MAN2C1: variants seen among roughly 807,000 people sequenced by gnomAD.
The protein encoded by MAN2C1 is alpha-mannosidase 2C1.
In MAN2C1, 111 loss-of-function variants were observed where a neutral mutation model predicts 126.9. The observed-to-expected ratio is 0.87, with a 90% CI of 0.75 to 1.02. MAN2C1 has a LOEUF of 1.02. Among genes scored for constraint, MAN2C1 ranks in the 50% least tolerant of loss-of-function variants. MAN2C1 has a pLI of 0.00. For synonymous variants in MAN2C1, 567 were observed against 561.5 expected (o/e 1.01, Z -0.14); for missense variants, 1,363 against 1,364.4 (o/e 1.00, Z 0.02).
chr15:75,356,502 T>C lies in MAN2C1; in HGVS notation c.2738-53A>G. The C allele has an allele frequency of 6.4e-7, 1 of 1,565,332 alleles. No homozygotes were observed. The highest frequency in any genetic ancestry group is 1.2e-5 in the South Asian group (1 of 85,194). ...GTGGAGAATGGGGGCTACCCTCCCC[T>C]GTCCCTAGAAGGGGCAGGAAGCCAG... is the stretch of plus-strand genomic sequence containing the variant. On this transcript the variant is annotated intron_variant, in intron 23 of 25. Coordinates refer to ENST00000267978, the MANE Select transcript of MAN2C1 (RefSeq NM_006715.4). This position sits in a 1 kb window ranked among gnomAD's most constrained non-coding sequence, Gnocchi z 5.8.
intron 16 of MAN2C1, 55 bp from the exon 17 acceptor site, chr15:75,359,480 C>T (rs767582618): frequency 1.8e-5 from 28 of 1,576,670 alleles, no homozygotes; most frequent in African/African-American, 1.1e-4. Context: ...AGGAAGCTTG[C>T]GCAGGTGGGG....
chr15:75,358,532 C>A lies in MAN2C1; in HGVS notation c.2333G>T (p.Ser778Ile). ...CTCCTGGCTAAGCCGACTGTTGGGGCTGATCTGTAGCAAGAACCAGGCGCT... is the reference window on the plus strand; with the variant it reads ...CTCCTGGCTAAGCCGACTGTTGGGGATGATCTGTAGCAAGAACCAGGCGCT... ...RGSAWFLLQI[S>I]PNSRLSQEVV... The change falls in exon 20 of 26, where the codon AGC becomes ATC. Residue 778 changes from serine to isoleucine, a missense_variant. By Grantham distance (142) the Ser-to-Ile change is moderately radical (BLOSUM62 -2). Transcript: ENST00000267978. 1 of 1,613,484 alleles carries A rather than the reference C, an allele frequency of 6.2e-7. No individual in the cohort carries two copies. Among genetic ancestry groups the A allele is most frequent in the Non-Finnish European group, 8.5e-7 (1 of 1,180,026 alleles).
chr15:75,359,542 C>G, intron 16 of MAN2C1, 78 bp downstream of exon 16: 1 of 1,578,326 alleles, frequency 6.3e-7, no homozygotes, highest in Non-Finnish European at 8.6e-7. Context: ...CACCCAGATC[C>G]CTCGGGGTAT....
chr15:75,364,326 C>T (rs1346421680), intron 5 of MAN2C1, 138 bp from the exon 6 acceptor site: 1 of 1,238,812 alleles, frequency 8.1e-7, no homozygotes, highest in Non-Finnish European at 1.1e-6. Context: ...TCAGCACCGT[C>T]TCCCTCCTCC....
intron 4 of MAN2C1, among the ~76,000 whole-genome samples, chr15:75,366,310 C>G (rs1386638314): frequency 1.3e-5 from 2 of 152,242 alleles, no homozygotes; most frequent in Non-Finnish European, 2.9e-5. Context: ...GATCCTCCCA[C>G]TCAGCCTCCC....
intron 3 of MAN2C1, 114 bp downstream of exon 3, chr15:75,367,397 A>G: frequency 7.3e-7 from 1 of 1,378,578 alleles, no homozygotes; most frequent in South Asian, 1.4e-5. Flanking sequence ...TCCTGATACC[A>G]CCCTGTGGGC....
At position 75,361,991 on chromosome 15, in the gene MAN2C1, C is replaced by G. The variant is rs776028766; in HGVS notation, c.1009-44G>C. ...GGAGGCAGCCCAGGTCAGCGCTGGA[C>G]GGGGAGCAGGCAGGCGCTCAGGCCA... On this transcript the variant is annotated intron_variant, in intron 8 of 25. Coordinates refer to ENST00000267978, the MANE Select transcript of MAN2C1 (RefSeq NM_006715.4). This position sits in a 1 kb window ranked among gnomAD's most constrained non-coding sequence, Gnocchi z 5.0. 5 of 1,488,432 alleles carry G rather than the reference C, an allele frequency of 3.4e-6. No homozygotes were observed. The Admixed American group carries it at 8.4e-5, about 25-fold the overall frequency. The allele number at this position is 1,488,432 out of a possible 1,614,324, so 92.2% of individuals were successfully genotyped here.
chr15:75,359,867 G>A (rs1269781638), intron 15 of MAN2C1, 36 bp downstream of exon 15: 1 of 1,611,480 alleles, frequency 6.2e-7, no homozygotes, highest in South Asian at 1.1e-5. Flanking sequence ...CAGCCCTGGG[G>A]TTGGAGAGAG....
At chr15:75,367,935 T>C (rs148971061) in intron 2 of MAN2C1, 138 bp downstream of exon 2, 157 of 1,173,602 alleles carry the variant, frequency 1.3e-4, no homozygotes, top group Admixed American at 1.7e-4. Context: ...CAGCAGAGGG[T>C]GCTGCTCCCA....
rs571556888 is a variant in MAN2C1 at position 75,362,762 on chromosome 15, G to A, written c.791-14C>T. On this transcript the variant is annotated splice_polypyrimidine_tract_variant and intron_variant, in intron 6 of 25. Transcript: ENST00000267978. This position sits in a 1 kb window ranked among gnomAD's most constrained non-coding sequence, Gnocchi z 4.5. Reference sequence around the variant, plus strand: ...GCCAAAGCCAGGCTATACGGGGAGTGAGGTGGAGGACAGAGGGAGCAGCAA... The same window carrying A: ...GCCAAAGCCAGGCTATACGGGGAGTAAGGTGGAGGACAGAGGGAGCAGCAA... 1.2e-6 allele frequency: 2 copies of A among 1,610,384 alleles called. No homozygotes were observed. The highest frequency in any genetic ancestry group is 1.1e-5 in the South Asian group (1 of 90,972).
Position 75,359,191 on chromosome 15 carries a change from G to T in MAN2C1, c.2047-38C>A, listed in dbSNP as rs1223790797. The T allele has an allele frequency of 6.2e-6, 10 of 1,612,028 alleles. No homozygotes were observed. In the South Asian group the frequency reaches 8.8e-5, roughly 14 times the overall value. ...AGGCCTTGAGGCTGAGTCTGTAGGG[G>T]CTTCCCACACCAAAAGTCTTCCCAC... On this transcript the variant is annotated intron_variant, in intron 17 of 25. Coordinates refer to ENST00000267978, the MANE Select transcript of MAN2C1 (RefSeq NM_006715.4).
In MAN2C1 at chr15:75,356,703, C is replaced by T. The variant is rs368112790; in HGVS notation, c.2658-18G>A. On this transcript the variant is annotated intron_variant, in intron 22 of 25. Coordinates refer to ENST00000267978, the MANE Select transcript of MAN2C1 (RefSeq NM_006715.4). The surrounding 1 kb of genome is among the most constrained non-coding windows in gnomAD (Gnocchi z 5.8). ...CCCGCAAGCTGGGGTGAGGAGGGCG[C>T]GTAGGGGCCACGCTGAAGCTGTTGG... 7.8e-4 allele frequency: 1,248 copies of T among 1,607,942 alleles called. 4 individuals carry two copies. Among genetic ancestry groups the T allele is most frequent in the South Asian group, 9.6e-4 (87 of 90,406 alleles).
Position 75,356,746 on chromosome 15 carries a change from C to A in MAN2C1, c.2657+47G>T. ...GCTGTTGGAGTTGTGGTCGGGAAGA[C>A]CCATTTCTCCATGCCAGCTCCCAGG... On this transcript the variant is annotated intron_variant, in intron 22 of 25. Coordinates refer to ENST00000267978, the MANE Select transcript of MAN2C1 (RefSeq NM_006715.4). This position sits in a 1 kb window ranked among gnomAD's most constrained non-coding sequence, Gnocchi z 5.8. 6.2e-7 allele frequency: 1 copy of A among 1,612,680 alleles called. No individual in the cohort carries two copies. Among genetic ancestry groups the A allele is most frequent in the Non-Finnish European group, 8.5e-7 (1 of 1,179,014 alleles).
rs2072377765 is a variant in MAN2C1 at position 75,358,201 on chromosome 15, C to G, written c.2547G>C (p.Glu849Asp). 2 of 1,613,994 alleles carry G rather than the reference C, an allele frequency of 1.2e-6. No homozygotes were observed. Among genetic ancestry groups the G allele is most frequent in the Non-Finnish European group, 1.7e-6 (2 of 1,180,022 alleles). The stretch of plus-strand genomic sequence containing the variant: ...CCACTCCCACCCTGCCATGTCAGAC[C>G]TCAAATCGAGCCCAGTCCCAAGAGG... Reference protein sequence around the residue: ...YNTSWDWARFEVWAHRWMDLS... With the variant: ...YNTSWDWARFDVWAHRWMDLS... Residue 849 changes from glutamate to aspartate, a missense_variant and splice_region_variant, in exon 21 of 26, where the codon GAG (glutamate) becomes GAC (aspartate). Transcript: ENST00000267978.
Position 75,362,792 on chromosome 15 carries a change from G to A in MAN2C1, c.791-44C>T. 6.4e-7 allele frequency: 1 copy of A among 1,551,346 alleles called. No individual in the cohort carries two copies. Among genetic ancestry groups the A allele is most frequent in the South Asian group, 1.1e-5 (1 of 89,292 alleles). The stretch of plus-strand genomic sequence containing the variant: ...GGAGGACAGAGGGAGCAGCAAGGCT[G>A]ACCAGGCCTGGGCTGGGACTCCAGA... On this transcript the variant is annotated intron_variant, in intron 6 of 25. Transcript: ENST00000267978. This position sits in a 1 kb window ranked among gnomAD's most constrained non-coding sequence, Gnocchi z 4.5.
At chr15:75,359,178 TGA>T in intron 17 of MAN2C1, 25 bp from the exon 18 acceptor site, 1 of 1,613,410 alleles carries the variant, frequency 6.2e-7, no homozygotes, top group South Asian at 1.1e-5. Flanking sequence ...GCCTTGAGGC[TGA>T]GTCTGTAGGG....
At chr15:75,364,406 G>A (rs750603231) in intron 5 of MAN2C1, 82 bp downstream of exon 5, 9 of 1,418,494 alleles carry the variant, frequency 6.3e-6, no homozygotes, top group Non-Finnish European at 8.4e-6. Flanking sequence ...GATTCCCAGA[G>A]TCCCATTTAT....
rs937531721 is a variant in MAN2C1, at chr15:75,356,277, T to C, written c.2886+24A>G. 1.6e-5 allele frequency: 26 copies of C among 1,611,504 alleles called. No homozygotes were observed. The highest frequency in any genetic ancestry group is 2.1e-5 in the Non-Finnish European group (25 of 1,179,136). On this transcript the variant is annotated intron_variant, in intron 24 of 25. Transcript: ENST00000267978. This position sits in a 1 kb window ranked among gnomAD's most constrained non-coding sequence, Gnocchi z 5.8. ...AGGGCAGGCCCAGTTCGGAACCCCG[T>C]CCCCAGCACGTCCCACCCCTTGCCT...
intron 17 of MAN2C1, 62 bp from the exon 18 acceptor site, chr15:75,359,215 A>AC: frequency 7.5e-7 from 1 of 1,331,762 alleles, no homozygotes; most frequent in Non-Finnish European, 1.1e-6. Flanking sequence ...AAGTCTTCCC[A>AC]CCCCAACCCC....
Sources: allele counts gnomAD v4.1 joint callset (sites outside exome capture counted in the v4.1 genomes callset), GRCh38; gene constraint gnomAD v4.1.1; non-coding constraint Gnocchi (gnomAD v3.1); transcripts MANE v1.5; gene names NCBI Gene and HGNC (gene_info 2026-07-23, HGNC 2026-07-21).